The following ZMYM2 variants were observed in gnomAD, a reference collection of about 807,000 sequenced individuals.
ZMYM2 encodes zinc finger MYM-type containing 2, also known as zinc finger MYM-type protein 2.
In ZMYM2, 56 loss-of-function variants were observed where a neutral mutation model predicts 162.8. The ratio of observed to expected loss-of-function variants is 0.34; its 90% CI spans 0.28 to 0.43. The LOEUF is 0.43. Among genes scored for constraint, ZMYM2 ranks in the 20% least tolerant of loss-of-function variants. ZMYM2 has a pLI of 1.00. For synonymous variants in ZMYM2, 510 were observed against 541.6 expected (o/e 0.94, Z 0.81); for missense variants, 1,275 against 1,621.8 (o/e 0.79, Z 3.67).
rs374884303 is a variant in ZMYM2, at chr13:19,993,879, C to A, written c.807C>A (p.Asp269Glu). ...CTGGTAGAATGAATGTGGCAGGAGA[C>A]GTTTTTCAGAATGGAGAATCTGCAA... Reference protein sequence around the residue: ...FNPGRMNVAGDVFQNGESATH... With the variant: ...FNPGRMNVAGEVFQNGESATH... Residue 269 changes from aspartate to glutamate, a missense_variant, in exon 3 of 25, where the codon GAC (aspartate) becomes GAA (glutamate). Physicochemically the swap from Asp to Glu is conservative, Grantham distance 45. This residue lies in a region of ZMYM2 where 115 missense variants were observed against 175.3 expected (regional missense o/e 0.66). Transcript: ENST00000610343. 1 of 1,613,466 alleles carries A rather than the reference C, an allele frequency of 6.2e-7. No homozygotes were observed. Among genetic ancestry groups the A allele is most frequent in the East Asian group, 2.2e-5 (1 of 44,868 alleles).
chr13:19,996,004 ACT>A (rs565330981), intron 3 of ZMYM2, among the ~76,000 whole-genome samples: 36 of 150,498 alleles, frequency 2.4e-4, no homozygotes, highest in African/African-American at 7.1e-4. Context: ...AACAAAACAA[ACT>A]CTGTGACTTT....
chr13:19,912,327 G>GA, the ZMYM2 span, among the ~76,000 whole-genome samples: 1 of 47,596 alleles, frequency 2.1e-5, no homozygotes, highest in African/African-American at 7.6e-5. Flanking sequence ...TTTTGTTTTT[G>GA]TTTTTTTTGT....
At position 20,089,014 on chromosome 13, in the gene ZMYM2, T is replaced by C. The variant is rs1958419529; in HGVS notation, c.*3000T>C. 5.0e-6 allele frequency: 1 copy of C among 198,146 alleles called. No individual in the cohort carries two copies. 12.3% of individuals were successfully genotyped at this position (198,146 alleles called of 1,614,324 possible). A position where few individuals can be genotyped will look rare whatever the true frequency, so the allele number is the denominator to read the frequency against. ...ATTGTTATACATGTCACTTATGTTT[T>C]TAAGCTAATATTGACTGTAGGATAA... On this transcript the variant is annotated 3_prime_UTR_variant, in exon 25 of 25. Transcript: ENST00000610343.
chr13:20,007,744 C>T (rs1488992267), intron 6 of ZMYM2, among the ~76,000 whole-genome samples: 2 of 151,664 alleles, frequency 1.3e-5, no homozygotes, highest in Non-Finnish European at 2.9e-5. Flanking sequence ...CCTCAGCCTC[C>T]TGAGTAGCTG....
chr13:19,880,596 T>C, the ZMYM2 span, among the ~76,000 whole-genome samples: 1 of 151,442 alleles, frequency 6.6e-6, no homozygotes, highest in Non-Finnish European at 1.5e-5. Context: ...GCCCGGCTAA[T>C]TTTTTGTATT....
At chr13:19,890,788 C>T in the ZMYM2 span, among the ~76,000 whole-genome samples, 2 of 151,234 alleles carry the variant, frequency 1.3e-5, no homozygotes, top group East Asian at 3.9e-4. Flanking sequence ...AGGAGAATGT[C>T]GTGAACCCGA....
intron 3 of ZMYM2, among the ~76,000 whole-genome samples, chr13:20,001,670 T>A (rs9578246): frequency 0.1 from 15,617 of 152,158 alleles, 1,307 homozygotes; most frequent in African/African-American, 0.22. Flanking sequence ...ACTGCTGTCA[T>A]ACAGCAGAAG....
At chr13:19,986,494 G>A (rs1949153015) in intron 2 of ZMYM2, among the ~76,000 whole-genome samples, 1 of 151,762 alleles carries the variant, frequency 6.6e-6, no homozygotes, top group African/African-American at 2.4e-5. Flanking sequence ...TCCTTAATAA[G>A]GAAAGCTTGT....
chr13:19,929,513 C>T, the ZMYM2 span, among the ~76,000 whole-genome samples: 1 of 152,200 alleles, frequency 6.6e-6, no homozygotes, highest in Non-Finnish European at 1.5e-5. Context: ...GCCGGGATTA[C>T]ATGCGTGAGC....
chr13:19,979,730 G>T (rs1957139417), intron 2 of ZMYM2, among the ~76,000 whole-genome samples: 1 of 152,172 alleles, frequency 6.6e-6, no homozygotes, highest in Non-Finnish European at 1.5e-5. Flanking sequence ...AACATAGTAT[G>T]CTATTCCCAA....
rs1951859946 is a variant in ZMYM2, at chr13:20,019,102, AC to A, written c.1513-444del. ...TCTCAAAAAAAAAAAAACAACAACA[AC>A]AACAAAAAAAAACAATTTCTCAATC... On this transcript the variant is annotated intron_variant, in intron 6 of 24. Coordinates refer to ENST00000610343, the MANE Select transcript of ZMYM2 (RefSeq NM_197968.4). Among the ~76,000 whole-genome samples, 4 of 10,364 alleles carry A rather than the reference AC, an allele frequency of 3.9e-4. No individual in the cohort carries two copies. In the Non-Finnish European group the frequency reaches 7.9e-3, roughly 21 times the overall value. 6.8% of individuals were successfully genotyped at this position (10,364 alleles called of 152,430 possible). A position where few individuals can be genotyped will look rare whatever the true frequency, so the allele number is the denominator to read the frequency against.
the ZMYM2 span, among the ~76,000 whole-genome samples, chr13:19,876,938 G>A: frequency 6.6e-6 from 1 of 152,120 alleles, no homozygotes; most frequent in Non-Finnish European, 1.5e-5. Context: ...TTAAAAAGAA[G>A]TTTATTGGCC....
chr13:19,906,351 GTGTATATATATA>G, the ZMYM2 span, among the ~76,000 whole-genome samples: 7 of 137,468 alleles, frequency 5.1e-5, no homozygotes, highest in South Asian at 2.3e-4. Context: ...ATATATGTGT[GTGTATATATATA>G]TGTATATATA....
At chr13:20,056,778 A>C (rs1566414594) in intron 14 of ZMYM2, among the ~76,000 whole-genome samples, 1 of 152,194 alleles carries the variant, frequency 6.6e-6, no homozygotes, top group Admixed American at 6.5e-5. Context: ...TCAGAATGGA[A>C]TTCTGTCTTG....
At position 19,981,313 on chromosome 13, in the gene ZMYM2, A is replaced by C. The variant is rs1439709102; in HGVS notation, c.-10-11750A>C. On this transcript the variant is annotated intron_variant, in intron 2 of 24. Coordinates refer to ENST00000610343, the MANE Select transcript of ZMYM2 (RefSeq NM_197968.4). ...AAAAAACAAACAAACAAAAAAAAAA[A>C]CAAAAAACAAACCCCAAACCACATA... Among the ~76,000 whole-genome samples, 12 of 144,304 alleles carry C rather than the reference A, an allele frequency of 8.3e-5. No homozygotes were observed. The South Asian group carries it at 2.1e-3, about 26-fold the overall frequency. The allele number at this position is 144,304 out of a possible 152,430, so 94.7% of individuals were successfully genotyped here.
chr13:20,038,382 T>G (rs1953929273), intron 12 of ZMYM2, among the ~76,000 whole-genome samples: 1 of 152,214 alleles, frequency 6.6e-6, no homozygotes, highest in Non-Finnish European at 1.5e-5. Context: ...TTGCCTAGGT[T>G]GGCTTCAGGG....
intron 2 of ZMYM2, among the ~76,000 whole-genome samples, chr13:19,960,574 A>G (rs1255620862): frequency 6.6e-5 from 10 of 152,138 alleles, no homozygotes; most frequent in Non-Finnish European, 1.0e-4. Flanking sequence ...CTCTAGTACT[A>G]TCTTGTTCAC....
the ZMYM2 span, among the ~76,000 whole-genome samples, chr13:19,873,988 T>C: frequency 3.3e-3 from 510 of 152,304 alleles, 1 homozygote; most frequent in South Asian, 0.026. Flanking sequence ...GACTTCACCT[T>C]TCCAGGATCA....
intron 21 of ZMYM2, among the ~76,000 whole-genome samples, chr13:20,075,866 C>T (rs1281012023): frequency 6.6e-6 from 1 of 150,742 alleles, no homozygotes; most frequent in African/African-American, 2.4e-5. Flanking sequence ...GTTTTTTTTC[C>T]CCCCCATCCC....
Sources: gnomAD v4.1 joint callset for allele counts (sites outside exome capture counted in the v4.1 genomes callset) on GRCh38, gnomAD v4.1.1 for gene constraint, gnomAD v4.1.1 regional missense constraint, MANE v1.5 for transcripts, NCBI Gene and HGNC (gene_info 2026-07-23, HGNC 2026-07-21) for gene names.